CSNK1G3: variants seen among roughly 807,000 people sequenced by gnomAD.
CSNK1G3 encodes casein kinase 1 gamma 3.
In CSNK1G3, 23 loss-of-function variants were observed where a neutral mutation model predicts 64.3. That is an observed-to-expected ratio of 0.36 (90% CI 0.26 to 0.51). The LOEUF (loss-of-function observed/expected upper bound fraction) is 0.51, where lower values mean the gene tolerates loss of function less well. Among genes scored for constraint, CSNK1G3 ranks in the 20% least tolerant of loss-of-function variants. CSNK1G3 has a pLI of 0.96. For missense variants in CSNK1G3, 357 were observed against 510.5 expected (o/e 0.70, Z 2.90); for synonymous variants, 158 against 162.2 (o/e 0.97, Z 0.20).
At chr5:123,614,278 A>G in intron 12 of CSNK1G3, 64 bp from the exon 14 acceptor site, 1 of 1,498,646 alleles carries the variant, frequency 6.7e-7, no homozygotes, top group Non-Finnish European at 9.2e-7. Context: ...AGTTAAAGTG[A>G]TACAGTCAAC....
intron 1 of CSNK1G3, among the ~76,000 whole-genome samples, chr5:123,517,895 A>G (rs940309960): frequency 2.0e-5 from 3 of 151,456 alleles, no homozygotes; most frequent in African/African-American, 7.3e-5. Context: ...AGTTTACACT[A>G]CTGCTTAGAG....
intron 5 of CSNK1G3, among the ~76,000 whole-genome samples, chr5:123,574,291 G>A (rs1022039431): frequency 2.0e-5 from 3 of 152,108 alleles, no homozygotes; most frequent in Non-Finnish European, 2.9e-5. Flanking sequence ...AGGCAGTTTC[G>A]AAATAAATGC....
At chr5:123,526,665 T>G (rs1480679157) in intron 1 of CSNK1G3, among the ~76,000 whole-genome samples, 5 of 152,186 alleles carry the variant, frequency 3.3e-5, no homozygotes, top group Non-Finnish European at 7.3e-5. Context: ...GAAACATGTG[T>G]TATATAACCT....
chr5:123,520,188 T>C (rs1777856430), intron 1 of CSNK1G3, among the ~76,000 whole-genome samples: 1 of 152,146 alleles, frequency 6.6e-6, no homozygotes, highest in South Asian at 2.1e-4. Context: ...CATTATTTTA[T>C]TTTCAAGAAA....
At chr5:123,575,803 A>T (rs912547218) in exon 6 of CSNK1G3, 1 of 1,613,700 alleles carries the variant, frequency 6.2e-7, no homozygotes, top group Non-Finnish European at 8.5e-7. Context: ...TCTTAATAGG[A>T]CGACCAGGAA....
At chr5:123,564,226 A>G (rs1786368297) in intron 4 of CSNK1G3, among the ~76,000 whole-genome samples, 1 of 152,078 alleles carries the variant, frequency 6.6e-6, no homozygotes, top group African/African-American at 2.4e-5. Context: ...ATTATCAGAA[A>G]GAGGTGTTAA....
At chr5:123,606,660 C>T (rs1330328671) in intron 12 of CSNK1G3, among the ~76,000 whole-genome samples, 2 of 152,168 alleles carry the variant, frequency 1.3e-5, no homozygotes, top group Non-Finnish European at 2.9e-5. Flanking sequence ...TTTCTCATCT[C>T]TGTTCTTGGG....
chr5:123,548,498 A>T (rs1292451442), intron 2 of CSNK1G3, among the ~76,000 whole-genome samples: 1 of 151,262 alleles, frequency 6.6e-6, no homozygotes, highest in Non-Finnish European at 1.5e-5. Flanking sequence ...ATGAAAAAAA[A>T]TGGGTAAACA....
At chr5:123,529,881 T>TA (rs1255878797) in intron 1 of CSNK1G3, among the ~76,000 whole-genome samples, 1 of 152,036 alleles carries the variant, frequency 6.6e-6, no homozygotes, top group Non-Finnish European at 1.5e-5. Context: ...GGCTCATACT[T>TA]ACATGAGCAC....
intron 12 of CSNK1G3, among the ~76,000 whole-genome samples, chr5:123,606,832 G>A (rs1795446853): frequency 6.6e-6 from 1 of 152,136 alleles, no homozygotes; most frequent in African/African-American, 2.4e-5. Flanking sequence ...TGAGGTTTCT[G>A]ACATACCTGA....
intron 2 of CSNK1G3, among the ~76,000 whole-genome samples, chr5:123,547,696 A>G (rs1782809394): frequency 6.6e-6 from 1 of 152,062 alleles, no homozygotes; most frequent in African/African-American, 2.4e-5. Flanking sequence ...GTGTGTATAT[A>G]TATATCTGTG....
chr5:123,512,809 A>G (rs1776458437), intron 1 of CSNK1G3, among the ~76,000 whole-genome samples: 1 of 144,398 alleles, frequency 6.9e-6, no homozygotes, highest in Non-Finnish European at 1.5e-5. Context: ...GCGGAGGGCT[A>G]GGGGGCAGCG....
At chr5:123,546,363 C>G (rs1376312404) in intron 2 of CSNK1G3, among the ~76,000 whole-genome samples, 1 of 152,004 alleles carries the variant, frequency 6.6e-6, no homozygotes, top group Admixed American at 6.6e-5. Context: ...ACAAGGGGCT[C>G]AGAGTATTGA....
At chr5:123,560,198 TAACAA>T (rs1457403745) in intron 4 of CSNK1G3, among the ~76,000 whole-genome samples, 1 of 152,154 alleles carries the variant, frequency 6.6e-6, no homozygotes, top group Non-Finnish European at 1.5e-5. Flanking sequence ...AATATGGCTG[TAACAA>T]AACAAAACAA....
At chr5:123,544,139 C>A (rs1782151785) in intron 1 of CSNK1G3, among the ~76,000 whole-genome samples, 1 of 152,176 alleles carries the variant, frequency 6.6e-6, no homozygotes, top group African/African-American at 2.4e-5. Flanking sequence ...GGTTAGCTCA[C>A]TGCAACCTTG....
chr5:123,590,385 C>T, intron 8 of CSNK1G3, 25 bp from the exon 9 acceptor site: 1 of 1,210,230 alleles, frequency 8.3e-7, no homozygotes, highest in Non-Finnish European at 1.1e-6. Flanking sequence ...AAGTATAGTC[C>T]AAATAATTTT....
chr5:123,583,890 C>A (rs1469568022), intron 6 of CSNK1G3, among the ~76,000 whole-genome samples: 1 of 151,894 alleles, frequency 6.6e-6, no homozygotes, highest in Non-Finnish European at 1.5e-5. Flanking sequence ...TAGGGTTTCT[C>A]TATGTTGCCC....
intron 4 of CSNK1G3, among the ~76,000 whole-genome samples, chr5:123,568,027 G>T (rs1787275258): frequency 6.6e-6 from 1 of 152,178 alleles, no homozygotes; most frequent in South Asian, 2.1e-4. Context: ...GTAGTAGTTG[G>T]TTGGCAAGAG....
rs547512644 is a variant in CSNK1G3, at chr5:123,567,785, G to A, written c.290-5608G>A. ...TTAGGTTGGTGCAAACATAATTGCA[G>A]TTGTGGGCTGTGAATTTTAAATCAT... On this transcript the variant is annotated intron_variant, in intron 4 of 12. Coordinates refer to ENST00000345990, the Ensembl canonical transcript of CSNK1G3. Among the ~76,000 whole-genome samples the A allele has an allele frequency of 5.8e-4, 89 of 152,304 alleles. 1 individual carries two copies. Among genetic ancestry groups the A allele is most frequent in the Non-Finnish European group, 1.2e-3 (81 of 68,018 alleles).
Sources: gnomAD v4.1 joint callset for allele counts (sites outside exome capture counted in the v4.1 genomes callset) on GRCh38, gnomAD v4.1.1 for gene constraint, MANE v1.5 for transcripts, NCBI Gene and HGNC (gene_info 2026-07-23, HGNC 2026-07-21) for gene names.